Variants in STXBP5L observed in about 807,000 individuals in gnomAD.
The protein encoded by STXBP5L is syntaxin-binding protein 5-like.
A neutral mutation model predicts 144.5 loss-of-function variants in STXBP5L; 65 were observed. The observed-to-expected ratio is 0.45, with a 90% CI of 0.37 to 0.55. The LOEUF (loss-of-function observed/expected upper bound fraction) is 0.55. Ranked by LOEUF, STXBP5L falls within the 20% of genes least tolerant of loss-of-function variation. The pLI is 0.00. For synonymous variants in STXBP5L, 505 were observed against 469.6 expected, an observed-to-expected ratio of 1.08 and a Z score of -0.97; for missense variants, 1,298 against 1,405.5, an observed-to-expected ratio of 0.92 and a Z score of 1.22.
intron 3 of STXBP5L, among the ~76,000 whole-genome samples, chr3:121,030,608 C>A (rs1172568386): frequency 6.6e-6 from 1 of 152,024 alleles, no homozygotes; most frequent in African/African-American, 2.4e-5. Context: ...CAGCAAACCA[C>A]CATGGCACGT....
intron 18 of STXBP5L, among the ~76,000 whole-genome samples, chr3:121,261,855 C>T (rs1046257312): frequency 2.0e-5 from 3 of 152,050 alleles, no homozygotes; most frequent in East Asian, 1.9e-4. Flanking sequence ...TTTCTTAGTC[C>T]ATTTGGGCTG....
intron 3 of STXBP5L, among the ~76,000 whole-genome samples, chr3:120,959,932 A>G (rs370369649): frequency 1.3e-5 from 2 of 152,176 alleles, no homozygotes; most frequent in Admixed American, 6.5e-5. Context: ...AAGAGCTTCT[A>G]CACAGCAAAA....
At chr3:121,179,604 G>T (rs1398488130) in intron 9 of STXBP5L, among the ~76,000 whole-genome samples, 1 of 152,100 alleles carries the variant, frequency 6.6e-6, no homozygotes, top group Non-Finnish European at 1.5e-5. Flanking sequence ...TGAACTGCCA[G>T]ATAAAGAATT....
At chr3:121,094,354 C>G (rs551412646) in intron 5 of STXBP5L, among the ~76,000 whole-genome samples, 111 of 152,116 alleles carry the variant, frequency 7.3e-4, no homozygotes, top group African/African-American at 2.6e-3. Context: ...GTTGATCTGT[C>G]TAATGTTGAC....
At chr3:120,938,981 A>C (rs1222211116) in intron 2 of STXBP5L, among the ~76,000 whole-genome samples, 4 of 151,816 alleles carry the variant, frequency 2.6e-5, no homozygotes, top group Non-Finnish European at 4.4e-5. Context: ...ATGGAGTCTC[A>C]CTATGTTGCC....
intron 3 of STXBP5L, among the ~76,000 whole-genome samples, chr3:121,037,949 A>C (rs763378163): frequency 6.6e-6 from 1 of 151,876 alleles, no homozygotes; most frequent in Non-Finnish European, 1.5e-5. Context: ...TAATTTTTTA[A>C]ATAATATTTG....
intron 18 of STXBP5L, among the ~76,000 whole-genome samples, chr3:121,273,819 G>C (rs528500080): frequency 1.3e-5 from 2 of 151,844 alleles, no homozygotes; most frequent in Non-Finnish European, 2.9e-5. Flanking sequence ...AAGTCGGCTA[G>C]CAGAGCTCTC....
rs2046260287 is a variant in STXBP5L, at chr3:121,378,952, G to C, written c.2347+66G>C. 11 of 1,479,378 alleles carry C rather than the reference G, an allele frequency of 7.4e-6. No homozygotes were observed. The South Asian group carries it at 1.3e-4, about 17-fold the overall frequency. The allele number at this position is 1,479,378 out of a possible 1,614,324, so 91.6% of individuals were successfully genotyped here. On this transcript the variant is annotated intron_variant, in intron 21 of 26. Transcript: ENST00000471454. ...TTGGTTTACAATGGTAATGGGAACAGAGATATGGGATGGAGATCACATATG... is the reference window on the plus strand; with the variant it reads ...TTGGTTTACAATGGTAATGGGAACACAGATATGGGATGGAGATCACATATG...
intron 21 of STXBP5L, 95 bp downstream of exon 21, chr3:121,378,981 G>C: frequency 7.6e-7 from 1 of 1,322,680 alleles, no homozygotes; most frequent in East Asian, 2.5e-5. Flanking sequence ...ACATATGAAA[G>C]ATGTTAAAAA....
At chr3:121,321,784 A>G (rs1217384508) in intron 20 of STXBP5L, among the ~76,000 whole-genome samples, 3 of 152,208 alleles carry the variant, frequency 2.0e-5, no homozygotes, top group African/African-American at 7.2e-5. Flanking sequence ...TGAATAAAGG[A>G]GGTCAGGAAT....
chr3:121,184,229 G>A (rs1367268940), intron 9 of STXBP5L, among the ~76,000 whole-genome samples: 1 of 151,906 alleles, frequency 6.6e-6, no homozygotes. Flanking sequence ...TGAACCGACA[G>A]AAGTAGGCTT....
chr3:121,415,449 A>G (rs1016797557), intron 24 of STXBP5L, among the ~76,000 whole-genome samples: 1 of 152,162 alleles, frequency 6.6e-6, no homozygotes, highest in Non-Finnish European at 1.5e-5. Context: ...AACCTTCCAC[A>G]TACCACCAAA....
intron 20 of STXBP5L, among the ~76,000 whole-genome samples, chr3:121,350,482 T>C (rs1208705485): frequency 1.3e-5 from 2 of 152,148 alleles, no homozygotes; most frequent in African/African-American, 4.8e-5. Flanking sequence ...GTTCTCTGTA[T>C]TTCTTGAATT....
chr3:121,054,210 A>G (rs1948265247), intron 5 of STXBP5L, among the ~76,000 whole-genome samples: 2 of 152,090 alleles, frequency 1.3e-5, no homozygotes. Context: ...AGAACTAGAA[A>G]TACCATTTGA....
chr3:121,104,127 A>T (rs973708716), intron 5 of STXBP5L, among the ~76,000 whole-genome samples: 3 of 152,222 alleles, frequency 2.0e-5, no homozygotes, highest in African/African-American at 7.2e-5. Context: ...ATGACTGCTC[A>T]TGAAATCTTT....
chr3:120,979,454 C>A (rs997195372), intron 3 of STXBP5L, among the ~76,000 whole-genome samples: 5 of 152,172 alleles, frequency 3.3e-5, no homozygotes, highest in Non-Finnish European at 7.3e-5. Flanking sequence ...GTCTGTCACC[C>A]CTTTCTTTGA....
intron 3 of STXBP5L, among the ~76,000 whole-genome samples, chr3:120,970,483 T>C (rs1381144487): frequency 6.6e-6 from 1 of 152,156 alleles, no homozygotes; most frequent in Non-Finnish European, 1.5e-5. Flanking sequence ...CATCTCTTTT[T>C]CAATATAACA....
At chr3:121,077,821 A>AGT (rs1474059005) in intron 5 of STXBP5L, among the ~76,000 whole-genome samples, 2 of 152,242 alleles carry the variant, frequency 1.3e-5, no homozygotes, top group East Asian at 3.9e-4. Flanking sequence ...AGCTAGATAG[A>AGT]GTGTCGATTG....
At chr3:120,998,604 C>A (rs961162567) in intron 3 of STXBP5L, among the ~76,000 whole-genome samples, 4 of 152,100 alleles carry the variant, frequency 2.6e-5, no homozygotes, top group African/African-American at 9.7e-5. Flanking sequence ...TATTGTTCAA[C>A]TCCTAATTAG....
Sources: allele counts gnomAD v4.1 joint callset (sites outside exome capture counted in the v4.1 genomes callset), GRCh38; gene constraint gnomAD v4.1.1; transcripts MANE v1.5; gene names NCBI Gene and HGNC (gene_info 2026-07-23, HGNC 2026-07-21).